PPFIBP2: variants seen among roughly 807,000 people sequenced by gnomAD.
The protein encoded by PPFIBP2 is liprin-beta-2.
PPFIBP2 carries 118 observed loss-of-function variants against 118.3 expected under a neutral mutation model. That is an observed-to-expected ratio of 1.00 (90% CI 0.86 to 1.16). The LOEUF is 1.16. Among genes scored for constraint, PPFIBP2 ranks in the 50% most tolerant of loss-of-function variants. The pLI is 0.00. For missense variants in PPFIBP2, 1,195 were observed against 1,073.1 expected (o/e 1.11, Z -1.59); for synonymous variants, 414 against 397.4 (o/e 1.04, Z -0.50).
intron 14 of PPFIBP2, among the ~76,000 whole-genome samples, chr11:7,636,358 A>G (rs1230340877): frequency 1.3e-5 from 2 of 152,042 alleles, no homozygotes; most frequent in East Asian, 3.9e-4. Context: ...GTCTGCATCT[A>G]TATAAGGGGC....
chr11:7,563,215 C>T (rs1028004095), intron 2 of PPFIBP2, among the ~76,000 whole-genome samples: 1 of 152,052 alleles, frequency 6.6e-6, no homozygotes, highest in Non-Finnish European at 1.5e-5. Context: ...AATACTTAAA[C>T]TGGATGGCTA....
rs2134315939 is a variant in PPFIBP2, at chr11:7,528,292, T to A, written c.-37+14171T>A. ...GTTCTAATACATATATATGCATGCA[T>A]ACACATATATATTTAGGAAGTTAAT... On this transcript the variant is annotated intron_variant, in intron 1 of 23. Coordinates refer to ENST00000299492, the MANE Select transcript of PPFIBP2 (RefSeq NM_003621.5). Among the ~76,000 whole-genome samples, 3 of 152,302 alleles carry A rather than the reference T, an allele frequency of 2.0e-5. No homozygotes were observed. The Middle Eastern group carries it at 0.01, about 518-fold the overall frequency.
intron 6 of PPFIBP2, among the ~76,000 whole-genome samples, chr11:7,614,707 G>A (rs894394786): frequency 2.6e-5 from 4 of 152,146 alleles, no homozygotes; most frequent in Non-Finnish European, 5.9e-5. Context: ...CATGAGCAAT[G>A]TAATGTATAT....
In PPFIBP2 at chr11:7,606,886, A is replaced by ATTTTTTTTTTTTTTTTTTT. The variant is rs529585905; in HGVS notation, c.487-3381_487-3363dup. On this transcript the variant is annotated intron_variant, in intron 5 of 23. Coordinates refer to ENST00000299492, the MANE Select transcript of PPFIBP2 (RefSeq NM_003621.5). ...CTGATCAGAAGACAAAACTGCATGAATTTTTTTTTTTTTTTTTTTTTTTTT... is the reference window on the plus strand; with the variant it reads ...CTGATCAGAAGACAAAACTGCATGAATTTTTTTTTTTTTTTTTTTTTTTTTTTTTTTTTTTTTTTTTTTT... Among the ~76,000 whole-genome samples the ATTTTTTTTTTTTTTTTTTT allele has an allele frequency of 2.7e-4, 14 of 51,440 alleles. 4 individuals are homozygous for ATTTTTTTTTTTTTTTTTTT. The highest frequency in any genetic ancestry group is 4.5e-4 in the Non-Finnish European group (12 of 26,918). The allele number at this position is 51,440 out of a possible 152,430, so 33.7% of individuals were successfully genotyped here.
intron 17 of PPFIBP2, among the ~76,000 whole-genome samples, chr11:7,645,019 T>A (rs1852808440): frequency 1.3e-5 from 1 of 74,878 alleles, no homozygotes; most frequent in Admixed American, 2.5e-4. Context: ...AGAGCAAGAC[T>A]CCGTCTCAAA....
chr11:7,626,861 C>T (rs996883364), intron 8 of PPFIBP2, among the ~76,000 whole-genome samples: 4 of 152,246 alleles, frequency 2.6e-5, no homozygotes, highest in Admixed American at 1.3e-4. Context: ...CTTGGATCCC[C>T]AGCTGGGGTG....
intron 3 of PPFIBP2, among the ~76,000 whole-genome samples, chr11:7,590,593 A>G (rs1859075588): frequency 1.3e-5 from 2 of 152,338 alleles, no homozygotes; most frequent in African/African-American, 4.8e-5. Context: ...ATTTTCAAAT[A>G]TATTTTAATT....
chr11:7,577,327 GTGTGTGTGTGTGTGTGTGTGTGTGTT>G, intron 3 of PPFIBP2: 1 of 293,450 alleles, frequency 3.4e-6, no homozygotes, highest in Non-Finnish European at 6.7e-6. Flanking sequence ...GTGCGTGTGT[GTGTGTGTGTGTGTGTGTGTGTGTGTT>G]TGTTGGGGTG....
At chr11:7,667,256 A>T in the PPFIBP2 span, 2 of 152,210 alleles carry the variant, frequency 1.3e-5, no homozygotes, top group Non-Finnish European at 2.9e-5. Context: ...TTATAGTGCA[A>T]CTTGATAAAA....
chr11:7,599,240 AGG>A (rs1860964614), intron 5 of PPFIBP2, among the ~76,000 whole-genome samples: 1 of 152,140 alleles, frequency 6.6e-6, no homozygotes, highest in South Asian at 2.1e-4. Context: ...AGTCTGCACA[AGG>A]TGTGTTTTTG....
intron 5 of PPFIBP2, among the ~76,000 whole-genome samples, chr11:7,601,222 G>A (rs1052775577): frequency 1.9e-4 from 29 of 152,022 alleles, no homozygotes; most frequent in Non-Finnish European, 3.2e-4. Context: ...TCAGTCTGTC[G>A]CTGCTCAGGG....
chr11:7,518,467 A>T (rs887002405), intron 1 of PPFIBP2, among the ~76,000 whole-genome samples: 1 of 151,824 alleles, frequency 6.6e-6, no homozygotes, highest in African/African-American at 2.4e-5. Flanking sequence ...CGATGGCAGC[A>T]TCTAGAGGCC....
At chr11:7,554,281 C>G (rs145723960) in intron 2 of PPFIBP2, among the ~76,000 whole-genome samples, 39 of 152,232 alleles carry the variant, frequency 2.6e-4, no homozygotes, top group African/African-American at 7.5e-4. Flanking sequence ...CAAATAGTAA[C>G]CACTTACACA....
Position 7,642,741 on chromosome 11 carries a change from C to T in PPFIBP2, c.1646+315C>T, listed in dbSNP as rs149571030. 2.0e-3 allele frequency among the ~76,000 whole-genome samples: 303 copies of T among 152,292 alleles called. 4 individuals are homozygous for T. Among genetic ancestry groups the T allele is most frequent in the African/African-American group, 6.9e-3 (286 of 41,560 alleles). On this transcript the variant is annotated intron_variant, in intron 17 of 23. Transcript: ENST00000299492. Reference sequence around the variant, plus strand: ...ACCTCAAGATTGCCATATACCAATGCAGAGTACAGGTAATTACTGGTTATG... The same window carrying T: ...ACCTCAAGATTGCCATATACCAATGTAGAGTACAGGTAATTACTGGTTATG...
At chr11:7,665,108 T>C in the PPFIBP2 span, 473 of 303,628 alleles carry the variant, frequency 1.6e-3, 1 homozygote, top group Non-Finnish European at 2.2e-3. Context: ...GCTGTCTGCT[T>C]TGTACTTGAG....
chr11:7,567,547 G>T (rs1248588769), intron 3 of PPFIBP2, among the ~76,000 whole-genome samples: 1 of 152,204 alleles, frequency 6.6e-6, no homozygotes, highest in African/African-American at 2.4e-5. Flanking sequence ...AGTACTTTTA[G>T]GGGGTCAGAA....
intron 11 of PPFIBP2, 161 bp downstream of exon 11, chr11:7,631,189 A>T (rs1850715925): frequency 1.6e-6 from 1 of 621,134 alleles, no homozygotes; most frequent in African/African-American, 1.8e-5. Flanking sequence ...ATGGGCGAGC[A>T]AGAGGCTGAG....
intron 14 of PPFIBP2, among the ~76,000 whole-genome samples, chr11:7,635,868 T>G (rs1851380778): frequency 6.6e-6 from 1 of 152,200 alleles, no homozygotes; most frequent in Non-Finnish European, 1.5e-5. Flanking sequence ...TAATCTAGAT[T>G]TAATCACTGG....
chr11:7,570,584 A>T (rs1284310945), intron 3 of PPFIBP2, among the ~76,000 whole-genome samples: 2 of 152,046 alleles, frequency 1.3e-5, no homozygotes, highest in African/African-American at 2.4e-5. Context: ...TTGGCAGAGA[A>T]CCCACAGAAG....
Sources: gnomAD v4.1 joint callset for allele counts (sites outside exome capture counted in the v4.1 genomes callset) on GRCh38, gnomAD v4.1.1 for gene constraint, MANE v1.5 for transcripts, NCBI Gene and HGNC (gene_info 2026-07-23, HGNC 2026-07-21) for gene names.